WDFY3: variants seen among roughly 807,000 people sequenced by gnomAD.
The protein encoded by WDFY3 is WD repeat and FYVE domain containing 3.
Under a neutral mutation model 409.6 loss-of-function variants are expected in WDFY3, and 66 were observed. The observed-to-expected ratio is 0.16, with a 90% CI of 0.13 to 0.20. The LOEUF (loss-of-function observed/expected upper bound fraction) is 0.20. Among genes scored for constraint, WDFY3 ranks in the 10% least tolerant of loss-of-function variants. The probability of loss-of-function intolerance (pLI) is 1.00; values close to 1 mark genes in which losing one functional copy is unlikely to be tolerated. For missense variants in WDFY3, 3,031 were observed against 4,298.1 expected (o/e 0.71, Z 8.24); for synonymous variants, 1,521 against 1,537.1 (o/e 0.99, Z 0.25).
chr4:84,960,435 CATG>C (rs1238780327), intron 1 of WDFY3, among the ~76,000 whole-genome samples: 3 of 152,172 alleles, frequency 2.0e-5, no homozygotes, highest in Non-Finnish European at 2.9e-5. Context: ...TAAGCTCTAT[CATG>C]ATAAGGACCT....
chr4:84,696,289 A>G (rs1371101770), intron 57 of WDFY3, 107 bp from the exon 58 acceptor site: 1 of 1,042,226 alleles, frequency 9.6e-7, no homozygotes, highest in African/African-American at 1.6e-5. Flanking sequence ...ACTAAAAATC[A>G]TAAAAACAAC....
At chr4:84,738,414 C>T (rs964735998) in intron 40 of WDFY3, among the ~76,000 whole-genome samples, 2 of 151,740 alleles carry the variant, frequency 1.3e-5, no homozygotes, top group Non-Finnish European at 2.9e-5. Flanking sequence ...CTGGCCAACA[C>T]GGTGAAATCC....
At chr4:84,899,258 C>T (rs1766035080) in intron 2 of WDFY3, among the ~76,000 whole-genome samples, 1 of 151,968 alleles carries the variant, frequency 6.6e-6, no homozygotes, top group Non-Finnish European at 1.5e-5. Flanking sequence ...ATATCCAAGC[C>T]AAAAGACCAC....
chr4:84,791,330 T>C (rs945289353), intron 21 of WDFY3, among the ~76,000 whole-genome samples: 2 of 152,152 alleles, frequency 1.3e-5, no homozygotes, highest in South Asian at 2.1e-4. Flanking sequence ...ACTCCACTTA[T>C]ATGAGGTATT....
At chr4:84,872,052 G>A (rs1432847064) in intron 3 of WDFY3, among the ~76,000 whole-genome samples, 2 of 152,194 alleles carry the variant, frequency 1.3e-5, no homozygotes. Flanking sequence ...CAAGGGAGAG[G>A]AGGGAGGAGC....
Position 84,810,258 on chromosome 4 carries a change from G to A in WDFY3, c.1974C>T (p.Leu658=), listed in dbSNP as rs747688972. 88 of 1,613,844 alleles carry A rather than the reference G, an allele frequency of 5.5e-5. 1 individual carries two copies. The Middle Eastern group carries it at 6.6e-4, about 12-fold the overall frequency. The part of the protein sequence containing the change: ...VGGFVYITSL[L]VAMERSLSCP... ...AGCTCAAAGATCTTTCCATAGCAAC[G>A]AGCAAGGATGTAATGTACACAAATC... Residue 658 remains leucine (L), a synonymous_variant, in exon 14 of 68, where the codon CTC becomes CTT. Transcript: ENST00000295888.
At chr4:84,757,543 C>T (rs550338692) in intron 32 of WDFY3, among the ~76,000 whole-genome samples, 2 of 152,194 alleles carry the variant, frequency 1.3e-5, no homozygotes, top group South Asian at 2.1e-4. Context: ...ATTTAGAATG[C>T]TACAAAAACA....
At position 84,812,775 on chromosome 4, in the gene WDFY3, ACCT is replaced by A. The variant is rs148579380; in HGVS notation, c.1888-2434_1888-2432del. 2.8e-3 allele frequency among the ~76,000 whole-genome samples: 420 copies of A among 152,206 alleles called. 4 individuals carry two copies. The highest frequency in any genetic ancestry group is 9.5e-3 in the African/African-American group (394 of 41,536). On this transcript the variant is annotated intron_variant, in intron 13 of 67. Coordinates refer to ENST00000295888, the MANE Select transcript of WDFY3 (RefSeq NM_014991.6). ...ATATTATGTACTTCTGGACAGGCCC[ACCT>A]CCTACTTCCTCAAAACTGGTATCTG...
intron 3 of WDFY3, among the ~76,000 whole-genome samples, chr4:84,872,349 C>T (rs1283161575): frequency 6.6e-6 from 1 of 151,652 alleles, no homozygotes; most frequent in East Asian, 1.9e-4. Context: ...CCTATGGTCC[C>T]AGCTACTTGG....
chr4:84,755,474 C>T, intron 33 of WDFY3, 74 bp from the exon 34 acceptor site: 1 of 1,509,920 alleles, frequency 6.6e-7, no homozygotes, highest in East Asian at 2.4e-5. Context: ...TTCTAATAGG[C>T]TAAAATTTCT....
At chr4:84,946,902 G>A (rs1772914190) in intron 1 of WDFY3, among the ~76,000 whole-genome samples, 1 of 151,558 alleles carries the variant, frequency 6.6e-6, no homozygotes, top group Non-Finnish European at 1.5e-5. Flanking sequence ...TGCCTCCCAG[G>A]TTCATGCCAT....
chr4:84,768,033 T>C (rs1393296274), intron 30 of WDFY3, among the ~76,000 whole-genome samples: 4 of 152,110 alleles, frequency 2.6e-5, no homozygotes, highest in African/African-American at 9.7e-5. Flanking sequence ...CAGTGAGCCA[T>C]GATTGTTCCA....
intron 3 of WDFY3, among the ~76,000 whole-genome samples, chr4:84,866,497 C>T (rs1037389345): frequency 6.6e-6 from 1 of 152,236 alleles, no homozygotes; most frequent in Non-Finnish European, 1.5e-5. Context: ...CTTTCCACCA[C>T]GTCCTAGATG....
chr4:84,936,044 T>A (rs1395816967), intron 1 of WDFY3, among the ~76,000 whole-genome samples: 1 of 152,184 alleles, frequency 6.6e-6, no homozygotes, highest in Non-Finnish European at 1.5e-5. Context: ...GGATTAAGTT[T>A]AAATGTATAT....
At chr4:84,926,109 G>A (rs1461197762) in intron 2 of WDFY3, among the ~76,000 whole-genome samples, 1 of 144,390 alleles carries the variant, frequency 6.9e-6, no homozygotes, top group Non-Finnish European at 1.5e-5. Flanking sequence ...TGCCTCCCGG[G>A]TTCAAGCAAT....
In WDFY3 at chr4:84,755,374, G is replaced by T. The variant is rs1193150698; in HGVS notation, c.5451C>A (p.Phe1817Leu). The change falls in exon 34 of 68, where the codon TTC becomes TTA. Residue 1817 changes from phenylalanine to leucine, a missense_variant. By Grantham distance (22) the Phe-to-Leu change is conservative. Around this residue, in one of 16 missense-constraint regions of WDFY3, gnomAD observed 342 missense variants for 463.7 expected, o/e 0.74. Coordinates refer to ENST00000295888, the MANE Select transcript of WDFY3 (RefSeq NM_014991.6). ...CQFDLDSIWT[F>L]IFGVPASSGT... ...CGCTGGAGGCAGGAACTCCAAAGAT[G>T]AATGTCCAAATGGAATCCAAATCAA... The T allele has an allele frequency of 2.4e-5, 38 of 1,610,296 alleles. No individual in the cohort carries two copies. The highest frequency in any genetic ancestry group is 3.1e-5 in the Non-Finnish European group (37 of 1,179,214).
intron 38 of WDFY3, 30 bp downstream of exon 38, chr4:84,741,731 A>G: frequency 6.4e-7 from 1 of 1,550,990 alleles, no homozygotes; most frequent in Non-Finnish European, 8.8e-7. Flanking sequence ...GAAAACATGT[A>G]CTCTACAACT....
At chr4:84,831,638 A>G in intron 7 of WDFY3, 33 bp from the exon 8 acceptor site, 1 of 1,547,316 alleles carries the variant, frequency 6.5e-7, no homozygotes, top group Non-Finnish European at 8.8e-7. Context: ...ACAAGAGTGT[A>G]TAAGCAAAAA....
chr4:84,917,797 T>C (rs1222936276), intron 2 of WDFY3, among the ~76,000 whole-genome samples: 1 of 151,726 alleles, frequency 6.6e-6, no homozygotes, highest in African/African-American at 2.4e-5. Context: ...TGGGAGAAAA[T>C]ACTTGCAATA....
Sources: allele counts gnomAD v4.1 joint callset (sites outside exome capture counted in the v4.1 genomes callset), GRCh38; gene constraint gnomAD v4.1.1; regional missense constraint gnomAD v4.1.1; transcripts MANE v1.5; gene names NCBI Gene and HGNC (gene_info 2026-07-23, HGNC 2026-07-21).